FREM1: variants seen among roughly 807,000 people sequenced by gnomAD.
The protein encoded by FREM1 is FRAS1 related extracellular matrix 1.
FREM1 carries 220 observed loss-of-function variants against 210.1 expected under a neutral mutation model. The observed-to-expected ratio is 1.05, with a 90% confidence interval of 0.94 to 1.17. The LOEUF (loss-of-function observed/expected upper bound fraction) is 1.17, where lower values mean the gene tolerates loss of function less well. FREM1 is among the 50% of genes most tolerant of loss of function. The pLI, the probability that FREM1 is intolerant of heterozygous loss-of-function variation, is 0.00. For missense variants in FREM1, 3,454 were observed against 2,675.5 expected (o/e 1.29, Z -6.42); for synonymous variants, 1,189 against 980.2 (o/e 1.21, Z -3.98).
chr9:14,764,994 C>A (rs1395413043), intron 27 of FREM1, among the ~76,000 whole-genome samples: 2 of 152,090 alleles, frequency 1.3e-5, no homozygotes, highest in Non-Finnish European at 1.5e-5. Flanking sequence ...GTCTGTACTT[C>A]AAAGGGGTTA....
At position 14,836,753 on chromosome 9, in the gene FREM1, T is replaced by C. The variant is rs971562884; in HGVS notation, c.1881+4694A>G. Among the ~76,000 whole-genome samples the C allele has an allele frequency of 2.6e-5, 4 of 152,152 alleles. No individual in the cohort carries two copies. Among genetic ancestry groups the C allele is most frequent in the Non-Finnish European group, 5.9e-5 (4 of 68,016 alleles). Reference sequence around the variant, plus strand: ...TGCCATTCTTCCGAGGACCCTTAAATCAATCCCAGGAGGAGCCCTAACTGC... The same window carrying C: ...TGCCATTCTTCCGAGGACCCTTAAACCAATCCCAGGAGGAGCCCTAACTGC... On this transcript the variant is annotated intron_variant, in intron 10 of 36. Coordinates refer to ENST00000380880, the MANE Select transcript of FREM1 (RefSeq NM_001379081.2). The surrounding 1 kb of genome is among the most constrained non-coding windows in gnomAD (Gnocchi z 4.9).
chr9:14,872,857 T>C (rs1832934298), intron 1 of FREM1, among the ~76,000 whole-genome samples: 1 of 152,088 alleles, frequency 6.6e-6, no homozygotes, highest in Admixed American at 6.5e-5. Flanking sequence ...ATACCTAATT[T>C]ATTGAGAGTT....
rs534463909 is a variant in FREM1 at position 14,834,104 on chromosome 9, G to A, written c.1881+7343C>T. ...TCGCATTATGAGAGAGCTTTGGTGA[G>A]TAATAACTAGGTAGAAAATACACTG... On this transcript the variant is annotated intron_variant, in intron 10 of 36. Transcript: ENST00000380880. Among the ~76,000 whole-genome samples, 7 of 152,218 alleles carry A rather than the reference G, an allele frequency of 4.6e-5. No individual in the cohort carries two copies. In the South Asian group the frequency reaches 1.4e-3, roughly 31 times the overall value.
intron 30 of FREM1, among the ~76,000 whole-genome samples, chr9:14,749,822 G>A (rs961968297): frequency 6.6e-6 from 1 of 152,118 alleles, no homozygotes; most frequent in African/African-American, 2.4e-5. Flanking sequence ...TACAGACTCT[G>A]GGGAAAATAA....
intron 16 of FREM1, among the ~76,000 whole-genome samples, chr9:14,809,011 C>A (rs570429622): frequency 1.4e-4 from 22 of 152,330 alleles, no homozygotes; most frequent in African/African-American, 5.3e-4. Context: ...CAAATCTCAT[C>A]TTGAATTGTA....
chr9:14,744,553 T>C (rs980893569), intron 35 of FREM1, among the ~76,000 whole-genome samples: 2 of 152,120 alleles, frequency 1.3e-5, no homozygotes, highest in Non-Finnish European at 2.9e-5. Context: ...ATCTACATTG[T>C]TGGACGCTTC....
intron 33 of FREM1, 95 bp from the exon 34 acceptor site, chr9:14,747,146 A>T: frequency 1.3e-6 from 2 of 1,589,082 alleles, no homozygotes; most frequent in Non-Finnish European, 1.7e-6. Flanking sequence ...GTTGGGAAGC[A>T]TTTGTGTTGG....
At chr9:14,870,642 T>C (rs190451691) in intron 1 of FREM1, among the ~76,000 whole-genome samples, 1 of 152,110 alleles carries the variant, frequency 6.6e-6, no homozygotes, top group South Asian at 2.1e-4. Flanking sequence ...GGTTTCTTTT[T>C]TTTATTTTAA....
chr9:14,755,227 T>A (rs1844103609), intron 29 of FREM1, among the ~76,000 whole-genome samples: 1 of 152,222 alleles, frequency 6.6e-6, no homozygotes, highest in African/African-American at 2.4e-5. Context: ...ACTAACACAG[T>A]CCTCAAGCAT....
At chr9:14,854,184 A>C (rs528243119) in intron 5 of FREM1, among the ~76,000 whole-genome samples, 1 of 152,180 alleles carries the variant, frequency 6.6e-6, no homozygotes, top group Non-Finnish European at 1.5e-5. Flanking sequence ...TAAAACATCA[A>C]CTGTGATAAG....
chr9:14,856,659 C>T (rs1828790610), intron 5 of FREM1, among the ~76,000 whole-genome samples: 1 of 151,834 alleles, frequency 6.6e-6, no homozygotes, highest in Admixed American at 6.6e-5. Flanking sequence ...CGGTGAAACC[C>T]CTTCTCTACT....
intron 29 of FREM1, chr9:14,751,680 T>G (rs1232286416): frequency 6.6e-6 from 1 of 152,100 alleles, no homozygotes; most frequent in Non-Finnish European, 1.5e-5. Context: ...AAACGACTCT[T>G]TTATCTTGCA....
chr9:14,756,560 T>G (rs1844415799), intron 28 of FREM1, 114 bp from the exon 29 acceptor site: 6 of 679,728 alleles, frequency 8.8e-6, no homozygotes, highest in Non-Finnish European at 1.4e-5. Context: ...GTTTTTAATA[T>G]TAGGTAGGGT....
At chr9:14,866,619 C>A (rs992757124) in intron 2 of FREM1, among the ~76,000 whole-genome samples, 1 of 152,192 alleles carries the variant, frequency 6.6e-6, no homozygotes, top group African/African-American at 2.4e-5. Flanking sequence ...CTCCTGCGAG[C>A]TACCAGTGGG....
intron 22 of FREM1, chr9:14,790,735 G>A (rs1005910313): frequency 1.3e-5 from 2 of 152,210 alleles, no homozygotes; most frequent in Admixed American, 6.5e-5. Flanking sequence ...CTGGAGTCCT[G>A]GTCCTTGGTC....
chr9:14,859,545 G>C, intron 3 of FREM1, 61 bp from the exon 4 acceptor site: 1 of 1,385,680 alleles, frequency 7.2e-7, no homozygotes, highest in Non-Finnish European at 9.9e-7. Flanking sequence ...TGATACCCAT[G>C]TACTCAGCTG....
intron 24 of FREM1, among the ~76,000 whole-genome samples, chr9:14,780,397 G>C (rs1158999688): frequency 9.3e-6 from 1 of 107,972 alleles, no homozygotes; most frequent in Non-Finnish European, 1.9e-5. Flanking sequence ...GCATTTAAGA[G>C]ATAAAAATGG....
chr9:14,759,836 C>A lies in FREM1; in HGVS notation c.5270G>T (p.Gly1757Val), dbSNP rs374524030. The A allele has an allele frequency of 5.6e-6, 9 of 1,612,474 alleles. No homozygotes were observed. In the African/African-American group the frequency reaches 1.2e-4, roughly 22 times the overall value. The part of the protein sequence containing the change: ...QTEYEVCENV[G>V]LLPLEIIRRG... The stretch of plus-strand genomic sequence containing the variant: ...TCTGATAATTTCCAAGGGCAACAAA[C>A]CCACATTCTCACAGACTTCATATTC... Residue 1757 changes from glycine (G) to valine (V), a missense_variant, in exon 28 of 37, where the codon GGT (glycine) becomes GTT (valine). Transcript: ENST00000380880.
In FREM1 at chr9:14,857,627, G is replaced by A; in HGVS notation, c.754C>T (p.Pro252Ser). Residue 252 changes from proline (P) to serine (S), a missense_variant, in exon 5 of 37, where the codon CCC becomes TCC. Coordinates refer to ENST00000380880, the MANE Select transcript of FREM1 (RefSeq NM_001379081.2). ...ATATAATCAATGTTGGGTGAAGGGG[G>A]ATCCAGATGCTGATAACGAAGGCCC... Reference protein sequence around the residue: ...LMGLRYQHLDPPSPNIDYISI... With the variant: ...LMGLRYQHLDSPSPNIDYISI... 2 of 1,613,852 alleles carry A rather than the reference G, an allele frequency of 1.2e-6. No homozygotes were observed. Among genetic ancestry groups the A allele is most frequent in the Non-Finnish European group, 1.7e-6 (2 of 1,179,830 alleles).
Sources: gnomAD v4.1 joint callset for allele counts (sites outside exome capture counted in the v4.1 genomes callset) on GRCh38, gnomAD v4.1.1 for gene constraint, Gnocchi (gnomAD v3.1) non-coding constraint, MANE v1.5 for transcripts, NCBI Gene and HGNC (gene_info 2026-07-23, HGNC 2026-07-21) for gene names.